The following TROAP variants were observed in gnomAD, a reference collection of about 807,000 sequenced individuals.
TROAP encodes the protein tastin.
Under a neutral mutation model 83.4 loss-of-function variants are expected in TROAP, and 62 were observed. The ratio of observed to expected loss-of-function variants is 0.74; its 90% CI spans 0.61 to 0.92. The LOEUF (loss-of-function observed/expected upper bound fraction) is 0.92, where lower values mean the gene tolerates loss of function less well. TROAP is among the 40% of genes least tolerant of loss of function. The pLI, the probability that TROAP is intolerant of heterozygous loss-of-function variation, is 0.00. For synonymous variants in TROAP, 352 were observed against 386.4 expected, an observed-to-expected ratio of 0.91 and a Z score of 1.04; for missense variants, 876 against 985.1, an observed-to-expected ratio of 0.89 and a Z score of 1.48.
rs1943561696 is a variant in TROAP at position 49,330,429 on chromosome 12, G to A, written c.1584G>A (p.Arg528=). The change falls in exon 13 of 15, where the codon AGG becomes AGA. Residue 528 remains arginine, a synonymous_variant. Transcript: ENST00000257909. ...CTGGGCCCCCAGAGGCCTTCTGTAG[G>A]AGTGAGCCTGAGATACCAGAGCCCT... is the stretch of plus-strand genomic sequence containing the variant. ...AEPGPPEAFC[R]SEPEIPEPSL... The A allele has an allele frequency of 1.2e-6, 2 of 1,614,024 alleles. No individual in the cohort carries two copies. Among genetic ancestry groups the A allele is most frequent in the Admixed American group, 3.3e-5 (2 of 60,004 alleles).
intron 13 of TROAP, 32 bp downstream of exon 13, chr12:49,330,975 C>A: frequency 6.2e-7 from 1 of 1,605,014 alleles, no homozygotes. Flanking sequence ...AGTGTGAACA[C>A]AAGAGGTCCT....
chr12:49,323,652 T>C lies in TROAP; in HGVS notation c.44T>C (p.Val15Ala). Residue 15 changes from valine to alanine, a missense_variant, in exon 2 of 15, where the codon GTA becomes GCA. Val to Ala is a moderately conservative substitution (Grantham distance 64). This residue lies in a region of TROAP where 689 missense variants were observed against 722.6 expected (regional missense o/e 0.95). Coordinates refer to ENST00000257909, the MANE Select transcript of TROAP (RefSeq NM_005480.4). Reference protein sequence around the residue: ...QATKDPLLRGVSPTPSKIPVR... With the variant: ...QATKDPLLRGASPTPSKIPVR... ...ACGAAGGATCCCCTCCTCCGGGGTGTATCTCCTACCCCTAGCAAGATTCCG... is the reference window on the plus strand; with the variant it reads ...ACGAAGGATCCCCTCCTCCGGGGTGCATCTCCTACCCCTAGCAAGATTCCG... The C allele has an allele frequency of 2.5e-6, 4 of 1,614,086 alleles. No individual in the cohort carries two copies. The highest frequency in any genetic ancestry group is 3.4e-6 in the Non-Finnish European group (4 of 1,180,022).
In TROAP at chr12:49,330,135, C is replaced by T. The variant is rs371317442; in HGVS notation, c.1300-10C>T. On this transcript the variant is annotated splice_polypyrimidine_tract_variant and intron_variant, in intron 12 of 14. Coordinates refer to ENST00000257909, the MANE Select transcript of TROAP (RefSeq NM_005480.4). ...TTGATGTCACACTGGGGTGCTCTCTCCCACCACAGCGCATCGGTATCCTGC... is the reference window on the plus strand; with the variant it reads ...TTGATGTCACACTGGGGTGCTCTCTTCCACCACAGCGCATCGGTATCCTGC... The T allele has an allele frequency of 6.2e-7, 1 of 1,612,440 alleles. No homozygotes were observed. Among genetic ancestry groups the T allele is most frequent in the African/African-American group, 1.3e-5 (1 of 74,974 alleles).
In TROAP at chr12:49,330,678, T is replaced by C; in HGVS notation, c.1833T>C (p.Pro611=). ...CTCGCCAGGAACAGCTTGAGGTACC[T>C]GAGCCCTGCCCTCCAGCAGAACCCG... ...ESSRQEQLEV[P]EPCPPAEPGP... is the part of the protein sequence containing the mutation. The change falls in exon 13 of 15, where the codon CCT becomes CCC. Residue 611 remains proline (P), a synonymous_variant. Transcript: ENST00000257909. 6.2e-7 allele frequency: 1 copy of C among 1,613,224 alleles called. No individual in the cohort carries two copies.
In TROAP at chr12:49,329,183, G is replaced by A. The variant is rs761907636; in HGVS notation, c.1043G>A (p.Arg348His). The part of the protein sequence containing the change: ...PTLTSYSVLR[R>H]LTVQPKTRFT... ...CAGACCTCATATTCAGTGTTGCGGC[G>A]TCTCACCGTTCAACCTAAAACCCGG... The change falls in exon 10 of 15, where the codon CGT (arginine) becomes CAT (histidine). Residue 348 changes from arginine to histidine, a missense_variant. Around this residue, in one of 3 missense-constraint regions of TROAP, gnomAD observed 689 missense variants for 722.6 expected, o/e 0.95. Transcript: ENST00000257909. This position sits in a 1 kb window ranked among gnomAD's most constrained non-coding sequence, Gnocchi z 4.5. 3.9e-5 allele frequency: 63 copies of A among 1,613,942 alleles called. No homozygotes were observed. Among genetic ancestry groups the A allele is most frequent in the African/African-American group, 6.7e-5 (5 of 74,886 alleles).
chr12:49,325,123 T>C (rs546950485), intron 3 of TROAP, among the ~76,000 whole-genome samples: 24 of 152,040 alleles, frequency 1.6e-4, no homozygotes, highest in African/African-American at 5.8e-4. Flanking sequence ...TTTACCATGT[T>C]GGCCAGGCTG....
intron 5 of TROAP, 60 bp downstream of exon 5, chr12:49,325,944 C>A: frequency 6.2e-7 from 1 of 1,603,886 alleles, no homozygotes. Context: ...AGGGACAAAG[C>A]TGGGCTCTGG....
At position 49,330,945 on chromosome 12, in the gene TROAP, TA is replaced by T; in HGVS notation, c.2098+4del. ...TGAGACCCCCAGCAGGCCAGGCAGG[TA>T]AGGAGTTGGCTGGGAAGGAGTGTGA... On this transcript the variant is annotated splice_donor_region_variant and intron_variant, in intron 13 of 14. Coordinates refer to ENST00000257909, the MANE Select transcript of TROAP (RefSeq NM_005480.4). 2 of 1,610,146 alleles carry T rather than the reference TA, an allele frequency of 1.2e-6. No homozygotes were observed.
rs141056233 is a variant in TROAP, at chr12:49,325,782, C to A, written c.531C>A (p.Thr177=). The A allele has an allele frequency of 5.0e-6, 8 of 1,614,092 alleles. No homozygotes were observed. The highest frequency in any genetic ancestry group is 6.8e-6 in the Non-Finnish European group (8 of 1,179,998). ...CCTCTGCATATTTGGCCCCCAGAAC[C>A]CCCACCCACCGACTGGACCCTGCCA... ...VRASAYLAPR[T]PTHRLDPARA... The change falls in exon 5 of 15, where the codon ACC becomes ACA. Residue 177 remains threonine, a synonymous_variant. Transcript: ENST00000257909.
At chr12:49,326,560 T>G in intron 6 of TROAP, 108 bp from the exon 7 acceptor site, 1 of 1,221,648 alleles carries the variant, frequency 8.2e-7, no homozygotes, top group South Asian at 1.5e-5. Flanking sequence ...TGTACCATCA[T>G]TAGTTGTCAT....
intron 13 of TROAP, 112 bp downstream of exon 13, chr12:49,331,055 C>T: frequency 6.5e-7 from 1 of 1,530,240 alleles, no homozygotes; most frequent in Non-Finnish European, 9.0e-7. Flanking sequence ...CACCTTCCAC[C>T]CTGGCCCAGC....
At position 49,329,846 on chromosome 12, in the gene TROAP, C is replaced by CTTGG. The variant is rs1354177481; in HGVS notation, c.1165-9_1165-6dup. On this transcript the variant is annotated splice_polypyrimidine_tract_variant and intron_variant, in intron 11 of 14. Transcript: ENST00000257909. The surrounding 1 kb of genome is among the most constrained non-coding windows in gnomAD (Gnocchi z 4.5). ...CCTGGCTTGCTTGTGTGCCTTGTTCCTTGGTGACAGGAGCAGGTTGCCGTC... is the reference window on the plus strand; with the variant it reads ...CCTGGCTTGCTTGTGTGCCTTGTTCCTTGGTTGGTGACAGGAGCAGGTTGCCGTC... 8 of 1,613,180 alleles carry CTTGG rather than the reference C, an allele frequency of 5.0e-6. No individual in the cohort carries two copies. Among genetic ancestry groups the CTTGG allele is most frequent in the Non-Finnish European group, 6.8e-6 (8 of 1,179,542 alleles).
intron 6 of TROAP, 56 bp downstream of exon 6, chr12:49,326,214 T>TCCA: frequency 6.4e-7 from 1 of 1,569,482 alleles, no homozygotes; most frequent in Non-Finnish European, 8.8e-7. Flanking sequence ...AACCAGTGTC[T>TCCA]GATACAGGAG....
In TROAP at chr12:49,329,937, T is replaced by C; in HGVS notation, c.1245T>C (p.Thr415=). ...GTTCTGGGAAACCACCGGTGGCCAC[T>C]CCTTCTGGACCCCACTCTAACAGAA... ...LEGSGKPPVA[T]PSGPHSNRTP... The change falls in exon 12 of 15, where the codon ACT becomes ACC. Residue 415 remains threonine, a synonymous_variant. Coordinates refer to ENST00000257909, the MANE Select transcript of TROAP (RefSeq NM_005480.4). This position sits in a 1 kb window ranked among gnomAD's most constrained non-coding sequence, Gnocchi z 4.5. The C allele has an allele frequency of 6.2e-7, 1 of 1,614,106 alleles. No individual in the cohort carries two copies. The highest frequency in any genetic ancestry group is 8.5e-7 in the Non-Finnish European group (1 of 1,179,998).
rs151075525 is a variant in TROAP at position 49,326,113 on chromosome 12, G to C, written c.671G>C (p.Arg224Pro). The C allele has an allele frequency of 9.9e-6, 16 of 1,613,872 alleles. No individual in the cohort carries two copies. In the South Asian group the frequency reaches 1.8e-4, roughly 18 times the overall value. Residue 224 changes from arginine (R) to proline (P), a missense_variant, in exon 6 of 15, where the codon CGC becomes CCC. Coordinates refer to ENST00000257909, the MANE Select transcript of TROAP (RefSeq NM_005480.4). ...GGACCTTCCTTTCACCCTTCCACTC[G>C]CCCCAGTTTCCAGGAGCTAAGAAGG... Reference protein sequence around the residue: ...PSGPSFHPSTRPSFQELRRET... With the variant: ...PSGPSFHPSTPPSFQELRRET...
intron 8 of TROAP, among the ~76,000 whole-genome samples, chr12:49,327,691 A>G (rs1310264415): frequency 6.6e-6 from 1 of 152,194 alleles, no homozygotes; most frequent in Admixed American, 6.5e-5. Flanking sequence ...CTCTGGACAT[A>G]TAGCAGTAAA....
At chr12:49,327,063 G>A (rs1943510794) in intron 7 of TROAP, 146 bp from the exon 8 acceptor site, 1 of 978,244 alleles carries the variant, frequency 1.0e-6, no homozygotes, top group South Asian at 1.6e-5. Flanking sequence ...AGTGTTGGGT[G>A]TTGAGGGGCT....
chr12:49,330,634 C>T lies in TROAP; in HGVS notation c.1789C>T (p.Pro597Ser), dbSNP rs773747023. Residue 597 changes from proline to serine, a missense_variant, in exon 13 of 15, where the codon CCT becomes TCT. This residue lies in a region of TROAP where 184 missense variants were observed against 238.3 expected (regional missense o/e 0.77). Coordinates refer to ENST00000257909, the MANE Select transcript of TROAP (RefSeq NM_005480.4). ...RPLESYCRIE[P>S]EIPESSRQEQ... ...CCTAGAGTCCTACTGTAGGATTGAG[C>T]CTGAGATACCGGAGTCCTCTCGCCA... The T allele has an allele frequency of 6.2e-7, 1 of 1,613,778 alleles. No homozygotes were observed.
In TROAP at chr12:49,325,522, T is replaced by C; in HGVS notation, c.359T>C (p.Phe120Ser). The change falls in exon 4 of 15, where the codon TTT (phenylalanine) becomes TCT (serine). Residue 120 changes from phenylalanine (F) to serine (S), a missense_variant. Physicochemically the swap from Phe to Ser is radical, Grantham distance 155 (BLOSUM62 -2). Transcript: ENST00000257909. ...GCAGAGGCTCCAGGGACCATAGAGT[T>C]TGTGGCTGACCCTGCAGCCCTGGCC... ...AQTEAPGTIE[F>S]VADPAALATI... The C allele has an allele frequency of 6.2e-7, 1 of 1,613,962 alleles. No homozygotes were observed. The highest frequency in any genetic ancestry group is 8.5e-7 in the Non-Finnish European group (1 of 1,180,002).
Sources: gnomAD v4.1 joint callset for allele counts (sites outside exome capture counted in the v4.1 genomes callset) on GRCh38, gnomAD v4.1.1 for gene constraint, gnomAD v4.1.1 regional missense constraint, Gnocchi (gnomAD v3.1) non-coding constraint, MANE v1.5 for transcripts, NCBI Gene and HGNC (gene_info 2026-07-23, HGNC 2026-07-21) for gene names.